The following FBLN7 variants were observed in gnomAD, a reference collection of about 807,000 sequenced individuals.
The protein encoded by FBLN7 is fibulin-7.
In FBLN7, 31 loss-of-function variants were observed where a neutral mutation model predicts 44.0. That is an observed-to-expected ratio of 0.70 (90% CI 0.53 to 0.95). The LOEUF (loss-of-function observed/expected upper bound fraction) is 0.95, where lower values mean the gene tolerates loss of function less well. Among genes scored for constraint, FBLN7 ranks in the 40% least tolerant of loss-of-function variants. The pLI is 0.00. For missense variants in FBLN7, 573 were observed against 618.5 expected, an observed-to-expected ratio of 0.93 and a Z score of 0.78; for synonymous variants, 262 against 253.4, an observed-to-expected ratio of 1.03 and a Z score of -0.32.
the FBLN7 span, among the ~76,000 whole-genome samples, chr2:112,227,667 T>C: frequency 6.6e-6 from 1 of 152,228 alleles, no homozygotes; most frequent in South Asian, 2.1e-4. Flanking sequence ...ATAAATTCTA[T>C]TTCTACATAC....
At chr2:112,197,753 T>C in the FBLN7 span, among the ~76,000 whole-genome samples, 1 of 152,210 alleles carries the variant, frequency 6.6e-6, no homozygotes, top group African/African-American at 2.4e-5. Flanking sequence ...ATGACTTTAT[T>C]AGTGTAACTG....
chr2:112,159,889 C>A (rs1160947001), intron 2 of FBLN7, 54 bp downstream of exon 2: 14 of 1,384,990 alleles, frequency 1.0e-5, no homozygotes, highest in South Asian at 1.5e-5. Flanking sequence ...CGAGCACTCT[C>A]CCCGAGACGC....
the FBLN7 span, among the ~76,000 whole-genome samples, chr2:112,218,539 T>A: frequency 7.2e-5 from 11 of 152,300 alleles, no homozygotes; most frequent in Non-Finnish European, 1.3e-4. Context: ...ATTAAAACAA[T>A]TCCATTTACA....
At chr2:112,154,882 C>G (rs1247901449) in intron 1 of FBLN7, among the ~76,000 whole-genome samples, 2 of 152,122 alleles carry the variant, frequency 1.3e-5, no homozygotes, top group Non-Finnish European at 2.9e-5. Context: ...CAGAGACAGG[C>G]CGGTTGCTCT....
the FBLN7 span, among the ~76,000 whole-genome samples, chr2:112,194,902 G>C: frequency 6.6e-6 from 1 of 152,288 alleles, no homozygotes; most frequent in East Asian, 1.9e-4. Context: ...GTCACAAGGG[G>C]ATACTTTGAA....
At chr2:112,196,065 G>GC in the FBLN7 span, among the ~76,000 whole-genome samples, 1 of 152,322 alleles carries the variant, frequency 6.6e-6, no homozygotes, top group African/African-American at 2.4e-5. Flanking sequence ...ATGGCCAATG[G>GC]CCCCACTCAG....
chr2:112,238,647 A>G, the FBLN7 span: 1 of 727,738 alleles, frequency 1.4e-6, no homozygotes, highest in African/African-American at 1.8e-5. Context: ...TAATAGGTAC[A>G]TGGGATTCAT....
the FBLN7 span, among the ~76,000 whole-genome samples, chr2:112,237,890 T>C: frequency 6.6e-5 from 10 of 152,224 alleles, no homozygotes; most frequent in African/African-American, 2.4e-4. Context: ...ATAATTGCCA[T>C]TTGCCCTCAT....
At chr2:112,202,848 A>AC in the FBLN7 span, among the ~76,000 whole-genome samples, 1 of 151,858 alleles carries the variant, frequency 6.6e-6, no homozygotes, top group South Asian at 2.1e-4. Context: ...CAAAAACTCC[A>AC]CCCCCCACTA....
chr2:112,160,201 A>T (rs1398311680), intron 2 of FBLN7, among the ~76,000 whole-genome samples: 2 of 152,168 alleles, frequency 1.3e-5, no homozygotes, highest in Admixed American at 1.3e-4. Context: ...CTTGTTAGCC[A>T]GGATGGTCTC....
At chr2:112,179,749 C>G (rs529321490) in intron 4 of FBLN7, among the ~76,000 whole-genome samples, 3 of 152,264 alleles carry the variant, frequency 2.0e-5, no homozygotes, top group South Asian at 4.1e-4. Flanking sequence ...GGAAAAGACT[C>G]CTATTCAATA....
At chr2:112,237,503 G>C in the FBLN7 span, among the ~76,000 whole-genome samples, 13 of 151,826 alleles carry the variant, frequency 8.6e-5, no homozygotes, top group Non-Finnish European at 1.9e-4. Flanking sequence ...CTGGAGCCTC[G>C]AACTCCTGGG....
chr2:112,230,820 T>C, the FBLN7 span: 5 of 852,644 alleles, frequency 5.9e-6, no homozygotes, highest in Non-Finnish European at 3.2e-6. Context: ...ATACTTCTAT[T>C]TGAGAACCCT....
the FBLN7 span, among the ~76,000 whole-genome samples, chr2:112,217,570 T>C: frequency 6.6e-6 from 1 of 152,352 alleles, no homozygotes; most frequent in African/African-American, 2.4e-5. Flanking sequence ...TTAGAAAATA[T>C]CAGTTTACTA....
At position 112,138,663 on chromosome 2, in the gene FBLN7, C is replaced by T. The variant is rs759455796; in HGVS notation, c.8C>T (p.Pro3Leu). Residue 3 changes from proline (P) to leucine (L), a missense_variant, in exon 1 of 8, where the codon CCC becomes CTC. Physicochemically the swap from Pro to Leu is moderately conservative, Grantham distance 98. Transcript: ENST00000331203. The part of the protein sequence containing the change: MV[P>L]SSPRALFLLL... ...GGGATTCCGACTGGCAAGATGGTGC[C>T]CAGCTCTCCGCGCGCGCTCTTCCTT... The T allele has an allele frequency of 3.7e-6, 6 of 1,613,816 alleles. No individual in the cohort carries two copies. The East Asian group carries it at 1.1e-4, about 30-fold the overall frequency.
At chr2:112,201,144 C>T in the FBLN7 span, among the ~76,000 whole-genome samples, 1 of 152,208 alleles carries the variant, frequency 6.6e-6, no homozygotes, top group Admixed American at 6.5e-5. Context: ...CTAAGGCTGC[C>T]TCTGACAACA....
chr2:112,160,961 C>T (rs1156356670), intron 2 of FBLN7, among the ~76,000 whole-genome samples: 1 of 152,270 alleles, frequency 6.6e-6, no homozygotes, highest in South Asian at 2.1e-4. Context: ...AGGGAGTCCC[C>T]GTTAGTACCA....
Position 112,165,060 on chromosome 2 carries a change from G to C in FBLN7, c.295G>C (p.Val99Leu). 6.2e-7 allele frequency: 1 copy of C among 1,614,184 alleles called. No homozygotes were observed. Among genetic ancestry groups the C allele is most frequent in the Non-Finnish European group, 8.5e-7 (1 of 1,180,046 alleles). The part of the protein sequence containing the change: ...DGRKFGSKYL[V>L]DHEVHFTCNP... ...CAGAAAGTTTGGAAGCAAGTACTTA[G>C]TGGATCACGAAGTCCATTTTACCTG... is the stretch of plus-strand genomic sequence containing the variant. The change falls in exon 3 of 8, where the codon GTG becomes CTG. Residue 99 changes from valine (V) to leucine (L), a missense_variant. By Grantham distance (32) the Val-to-Leu change is conservative (BLOSUM62 1). Coordinates refer to ENST00000331203, the MANE Select transcript of FBLN7 (RefSeq NM_153214.3).
the FBLN7 span, among the ~76,000 whole-genome samples, chr2:112,196,664 G>C: frequency 1.3e-5 from 2 of 152,242 alleles, no homozygotes; most frequent in Middle Eastern, 3.4e-3. Flanking sequence ...ATCAGGGCCA[G>C]CCTTAGCTCT....
Sources: gnomAD v4.1 joint callset for allele counts (sites outside exome capture counted in the v4.1 genomes callset) on GRCh38, gnomAD v4.1.1 for gene constraint, MANE v1.5 for transcripts, NCBI Gene and HGNC (gene_info 2026-07-23, HGNC 2026-07-21) for gene names.